ZNF451: variants seen among roughly 807,000 people sequenced by gnomAD.
ZNF451 encodes the protein zinc finger protein 451.
A neutral mutation model predicts 107.1 loss-of-function variants in ZNF451; 80 were observed. The observed-to-expected ratio is 0.75, with a 90% confidence interval of 0.62 to 0.90. The LOEUF is 0.90. ZNF451 is among the 40% of genes least tolerant of loss of function. The pLI is 0.00. For missense variants in ZNF451, 1,107 were observed against 1,236.2 expected (o/e 0.90, Z 1.57); for synonymous variants, 362 against 406.5 (o/e 0.89, Z 1.32).
Position 57,148,302 on chromosome 6 carries a change from C to A in ZNF451, c.2217C>A (p.Ser739Arg). The change falls in exon 10 of 15, where the codon AGC (serine) becomes AGA (arginine). Residue 739 changes from serine (S) to arginine (R), a missense_variant. Ser to Arg is a moderately radical substitution (Grantham distance 110, BLOSUM62 -1). Transcript: ENST00000370706. ...ICKVNRKEDYSRCLQIMLDKG... is the reference protein window; with the variant it reads ...ICKVNRKEDYRRCLQIMLDKG... ...AAGTCAACAGAAAAGAAGATTATAG[C>A]AGATGTCTCCAAATCATGCTGGATA... is the stretch of plus-strand genomic sequence containing the variant. 1.2e-6 allele frequency: 2 copies of A among 1,613,952 alleles called. No individual in the cohort carries two copies. The highest frequency in any genetic ancestry group is 1.7e-6 in the Non-Finnish European group (2 of 1,179,948).
chr6:57,122,946 G>A (rs1053088139), intron 3 of ZNF451, among the ~76,000 whole-genome samples: 15 of 152,196 alleles, frequency 9.9e-5, no homozygotes, highest in African/African-American at 2.9e-4. Flanking sequence ...AGGCTGAGGC[G>A]GGAGGATCAC....
At chr6:57,117,403 A>G (rs1395269297) in intron 3 of ZNF451, among the ~76,000 whole-genome samples, 1 of 152,006 alleles carries the variant, frequency 6.6e-6, no homozygotes, top group Non-Finnish European at 1.5e-5. Context: ...ACTAATAGCT[A>G]AATATAAGAA....
intron 2 of ZNF451, among the ~76,000 whole-genome samples, chr6:57,091,865 G>A (rs577674022): frequency 2.0e-5 from 3 of 152,268 alleles, no homozygotes; most frequent in East Asian, 3.9e-4. Flanking sequence ...CAGCATTAGG[G>A]CCATTTTGGT....
chr6:57,163,111 T>G (rs1763742061), intron 14 of ZNF451, among the ~76,000 whole-genome samples: 1 of 152,170 alleles, frequency 6.6e-6, no homozygotes, highest in Admixed American at 6.5e-5. Flanking sequence ...TCTAACACCC[T>G]TCTTCTTTTC....
At chr6:57,135,268 T>G (rs1051997234) in intron 7 of ZNF451, among the ~76,000 whole-genome samples, 1 of 152,180 alleles carries the variant, frequency 6.6e-6, no homozygotes, top group African/African-American at 2.4e-5. Flanking sequence ...GGAATATAAC[T>G]AGTATTTAAA....
At chr6:57,122,714 C>A (rs1830701761) in intron 3 of ZNF451, among the ~76,000 whole-genome samples, 1 of 152,072 alleles carries the variant, frequency 6.6e-6, no homozygotes, top group African/African-American at 2.4e-5. Context: ...TCTAAAAAGT[C>A]AAAAAGTAAC....
chr6:57,098,745 G>A (rs2127936882), intron 2 of ZNF451, among the ~76,000 whole-genome samples: 1 of 152,296 alleles, frequency 6.6e-6, no homozygotes, highest in Non-Finnish European at 1.5e-5. Flanking sequence ...AATTCTAGGT[G>A]TAAAGCACTG....
chr6:57,167,803 G>C (rs1451389978), intron 14 of ZNF451, among the ~76,000 whole-genome samples: 2 of 152,122 alleles, frequency 1.3e-5, no homozygotes, highest in Non-Finnish European at 2.9e-5. Flanking sequence ...CGTCTGTCTT[G>C]TTCACTATTA....
chr6:57,107,295 G>C (rs995260423), intron 3 of ZNF451: 2 of 984,808 alleles, frequency 2.0e-6, no homozygotes, highest in Admixed American at 1.2e-4. Context: ...TATTCTATCA[G>C]TGTATACTAG....
At chr6:57,130,330 T>A (rs745667132) in intron 5 of ZNF451, among the ~76,000 whole-genome samples, 25 of 152,178 alleles carry the variant, frequency 1.6e-4, no homozygotes, top group Non-Finnish European at 3.2e-4. Flanking sequence ...TGGGGTGTTT[T>A]TTGAAAGCTT....
At chr6:57,121,658 A>G (rs1406331812) in intron 3 of ZNF451, among the ~76,000 whole-genome samples, 1 of 152,206 alleles carries the variant, frequency 6.6e-6, no homozygotes, top group Non-Finnish European at 1.5e-5. Flanking sequence ...TTGAATACCT[A>G]GGAATACACC....
intron 3 of ZNF451, chr6:57,109,564 T>C (rs371763382): frequency 3.0e-6 from 3 of 984,078 alleles, no homozygotes. Flanking sequence ...TTCTATGGTA[T>C]TGGCTATAGA....
chr6:57,167,030 A>G (rs990616493), intron 14 of ZNF451, among the ~76,000 whole-genome samples: 1 of 152,212 alleles, frequency 6.6e-6, no homozygotes, highest in Non-Finnish European at 1.5e-5. Context: ...ATGTTGCTGT[A>G]CTTAATGATG....
intron 7 of ZNF451, among the ~76,000 whole-genome samples, chr6:57,135,556 T>C (rs904836763): frequency 3.9e-5 from 6 of 152,148 alleles, no homozygotes; most frequent in Admixed American, 3.9e-4. Flanking sequence ...ACTCCATATA[T>C]AGATAAATGT....
intron 9 of ZNF451, among the ~76,000 whole-genome samples, chr6:57,144,007 A>G (rs2127976256): frequency 6.6e-6 from 1 of 152,270 alleles, no homozygotes; most frequent in South Asian, 2.1e-4. Flanking sequence ...GGAAATCTGT[A>G]GACACAGAAA....
At chr6:57,126,998 A>C (rs2127961665) in intron 4 of ZNF451, among the ~76,000 whole-genome samples, 1 of 152,278 alleles carries the variant, frequency 6.6e-6, no homozygotes, top group East Asian at 1.9e-4. Flanking sequence ...CTTTAATTGA[A>C]GGGTTTTTAT....
intron 10 of ZNF451, chr6:57,150,414 A>G (rs1379742555): frequency 1.4e-5 from 3 of 210,556 alleles, no homozygotes; most frequent in African/African-American, 6.9e-5. Flanking sequence ...CTTCTAGTAC[A>G]TTAATTTTTT....
At chr6:57,104,227 T>C in intron 3 of ZNF451, 1 of 985,156 alleles carries the variant, frequency 1.0e-6, no homozygotes, top group East Asian at 1.1e-4. Flanking sequence ...GCCTAAGAAA[T>C]CATACATTTT....
At chr6:57,150,696 T>C (rs1302560859) in intron 10 of ZNF451, 23 bp from the exon 11 acceptor site, 5 of 1,578,974 alleles carry the variant, frequency 3.2e-6, no homozygotes, top group East Asian at 2.2e-5. Context: ...ACTGAACTCA[T>C]GTTGATATTT....
Sources: allele counts gnomAD v4.1 joint callset (sites outside exome capture counted in the v4.1 genomes callset), GRCh38; gene constraint gnomAD v4.1.1; transcripts MANE v1.5; gene names NCBI Gene and HGNC (gene_info 2026-07-23, HGNC 2026-07-21).